The following ABCA13 variants were observed in gnomAD, a reference collection of about 807,000 sequenced individuals.
ABCA13 encodes the protein ATP binding cassette subfamily A member 13.
ABCA13 carries 476 observed loss-of-function variants against 478.7 expected under a neutral mutation model. The observed-to-expected ratio is 0.99, with a 90% CI of 0.92 to 1.07. The LOEUF (loss-of-function observed/expected upper bound fraction) is 1.07. Among genes scored for constraint, ABCA13 ranks in the 50% least tolerant of loss-of-function variants. ABCA13 has a pLI of 0.00. For missense variants in ABCA13, 6,060 were observed against 5,910.6 expected, an observed-to-expected ratio of 1.03 and a Z score of -0.83; for synonymous variants, 2,252 against 2,158.9, an observed-to-expected ratio of 1.04 and a Z score of -1.20.
Position 48,645,406 on chromosome 7 carries a change from G to A in ABCA13, c.15082-11G>A. 6.5e-7 allele frequency: 1 copy of A among 1,550,128 alleles called. No homozygotes were observed. Among genetic ancestry groups the A allele is most frequent in the Non-Finnish European group, 8.7e-7 (1 of 1,144,338 alleles). ...CTTATAAGTAAACAACATTTTTATG[G>A]TTTTTTTCAGGTATTTATTAATTTT... is the stretch of plus-strand genomic sequence containing the variant. On this transcript the variant is annotated splice_polypyrimidine_tract_variant and intron_variant, in intron 61 of 61. Transcript: ENST00000435803.
intron 20 of ABCA13, among the ~76,000 whole-genome samples, chr7:48,292,599 C>T (rs1000340920): frequency 1.8e-4 from 27 of 152,224 alleles, no homozygotes; most frequent in African/African-American, 6.3e-4. Flanking sequence ...TTCTGCCCTC[C>T]CCGGCACTCT....
intron 45 of ABCA13, among the ~76,000 whole-genome samples, chr7:48,471,879 A>G (rs1192348546): frequency 6.6e-6 from 1 of 152,190 alleles, no homozygotes; most frequent in Non-Finnish European, 1.5e-5. Context: ...TCTTCAAGTA[A>G]TGATAAAGAA....
chr7:48,232,952 G>A (rs1318078438), intron 7 of ABCA13, among the ~76,000 whole-genome samples: 1 of 152,148 alleles, frequency 6.6e-6, no homozygotes, highest in African/African-American at 2.4e-5. Context: ...GACTAAGTGA[G>A]ACCTCCCATG....
intron 58 of ABCA13, among the ~76,000 whole-genome samples, chr7:48,611,009 CTTCTT>C (rs1315295112): frequency 1.3e-5 from 2 of 152,192 alleles, no homozygotes; most frequent in Non-Finnish European, 2.9e-5. Flanking sequence ...ACATTCAGCT[CTTCTT>C]TACTTATGCA....
intron 55 of ABCA13, among the ~76,000 whole-genome samples, chr7:48,540,832 A>G (rs559252129): frequency 1.3e-5 from 2 of 152,080 alleles, no homozygotes; most frequent in Non-Finnish European, 2.9e-5. Context: ...ATATACTGAT[A>G]GTTGTCTCAG....
chr7:48,581,417 A>G (rs1022775985), intron 56 of ABCA13, among the ~76,000 whole-genome samples: 3 of 152,218 alleles, frequency 2.0e-5, no homozygotes, highest in African/African-American at 7.2e-5. Context: ...AATAAAGCAA[A>G]GATAACTGAC....
intron 45 of ABCA13, among the ~76,000 whole-genome samples, chr7:48,480,161 A>G (rs141657503): frequency 1.3e-5 from 2 of 152,312 alleles, no homozygotes; most frequent in Non-Finnish European, 2.9e-5. Flanking sequence ...CTTATCCATC[A>G]TGATTGCTTC....
chr7:48,427,659 T>A lies in ABCA13; in HGVS notation c.12460-107T>A, dbSNP rs960389960. On this transcript the variant is annotated intron_variant, in intron 41 of 61. Coordinates refer to ENST00000435803, the MANE Select transcript of ABCA13 (RefSeq NM_152701.5). ...GGCTAAATGAAATATATGGGGTGTGTTTGGCATATGTTGTCACAACCGGAT... is the reference window on the plus strand; with the variant it reads ...GGCTAAATGAAATATATGGGGTGTGATTGGCATATGTTGTCACAACCGGAT... 5 of 702,156 alleles carry A rather than the reference T, an allele frequency of 7.1e-6. No individual in the cohort carries two copies. In the African/African-American group the frequency reaches 8.9e-5, roughly 12 times the overall value. The allele number at this position is 702,156 out of a possible 1,614,324, so 43.5% of individuals were successfully genotyped here. A position where few individuals can be genotyped will look rare whatever the true frequency, so the allele number is the denominator to read the frequency against.
chr7:48,273,062 A>G lies in ABCA13; in HGVS notation c.3396A>G (p.Ser1132=). The G allele has an allele frequency of 2.5e-6, 4 of 1,613,622 alleles. No homozygotes were observed. Among genetic ancestry groups the G allele is most frequent in the Non-Finnish European group, 2.5e-6 (3 of 1,179,712 alleles). ...TGGCACAAATTTTTTCAAACCTCTC[A>G]GCAAATGTCAGTGTGTTCAACAAGT... ...FPLAQIFSNL[S]ANVSVFNKFM... Residue 1132 remains serine, a synonymous_variant, in exon 17 of 62, where the codon TCA becomes TCG. Coordinates refer to ENST00000435803, the MANE Select transcript of ABCA13 (RefSeq NM_152701.5).
chr7:48,639,752 T>C (rs1361099365), intron 59 of ABCA13, among the ~76,000 whole-genome samples: 1 of 152,208 alleles, frequency 6.6e-6, no homozygotes, highest in African/African-American at 2.4e-5. Context: ...TTTTCTAAAG[T>C]CTAAGATTAG....
At chr7:48,526,484 C>G (rs1832898648) in intron 54 of ABCA13, among the ~76,000 whole-genome samples, 1 of 152,120 alleles carries the variant, frequency 6.6e-6, no homozygotes, top group Admixed American at 6.5e-5. Flanking sequence ...GTGGAAAATA[C>G]AGAAATGACT....
intron 40 of ABCA13, among the ~76,000 whole-genome samples, chr7:48,411,506 C>T (rs1478073123): frequency 5.3e-5 from 8 of 152,038 alleles, no homozygotes; most frequent in Non-Finnish European, 8.8e-5. Flanking sequence ...TGGGGTTTTA[C>T]CATGTTGGCC....
At chr7:48,564,025 A>G (rs1379840929) in intron 55 of ABCA13, among the ~76,000 whole-genome samples, 3 of 152,092 alleles carry the variant, frequency 2.0e-5, no homozygotes, top group Middle Eastern at 3.4e-3. Flanking sequence ...TCCACATGTC[A>G]TCTCCTCTCT....
chr7:48,487,318 AC>A (rs1370281782), intron 47 of ABCA13, among the ~76,000 whole-genome samples: 20,647 of 122,318 alleles, frequency 0.17, 2,090 homozygotes, highest in African/African-American at 0.34. Flanking sequence ...CAAAAAAAAA[AC>A]AAAACAAAAC....
At chr7:48,361,575 C>A (rs2129005113) in intron 31 of ABCA13, among the ~76,000 whole-genome samples, 1 of 151,076 alleles carries the variant, frequency 6.6e-6, no homozygotes, top group African/African-American at 2.4e-5. Context: ...TCAATATATT[C>A]TTTTATAATT....
intron 59 of ABCA13, among the ~76,000 whole-genome samples, chr7:48,626,317 G>A (rs1793662991): frequency 6.6e-6 from 1 of 152,146 alleles, no homozygotes; most frequent in Non-Finnish European, 1.5e-5. Flanking sequence ...TATGGGTGAG[G>A]AGGAATTTAA....
rs182217432 is a variant in ABCA13 at position 48,453,323 on chromosome 7, C to G, written c.12566-1714C>G. Among the ~76,000 whole-genome samples the G allele has an allele frequency of 1.5e-3, 227 of 151,878 alleles. 4 individuals carry two copies. The highest frequency in any genetic ancestry group is 0.013 in the Admixed American group (199 of 15,262). On this transcript the variant is annotated intron_variant, in intron 42 of 61. Coordinates refer to ENST00000435803, the MANE Select transcript of ABCA13 (RefSeq NM_152701.5). ...CTGATATGCAGCCTGGTTTAGAAACCACTGCTTTAACTACCTAATGCCTCA... is the reference window on the plus strand; with the variant it reads ...CTGATATGCAGCCTGGTTTAGAAACGACTGCTTTAACTACCTAATGCCTCA...
intron 5 of ABCA13, among the ~76,000 whole-genome samples, chr7:48,226,682 C>T (rs1029439825): frequency 3.3e-5 from 5 of 152,056 alleles, no homozygotes; most frequent in African/African-American, 1.2e-4. Context: ...GGAGAGCATG[C>T]GGGCTCAGTG....
chr7:48,226,128 G>A (rs556214981), intron 5 of ABCA13, among the ~76,000 whole-genome samples: 1 of 152,248 alleles, frequency 6.6e-6, no homozygotes, highest in East Asian at 1.9e-4. Flanking sequence ...TAAAGTTGTA[G>A]CTATTGATAA....
Sources: gnomAD v4.1 joint callset for allele counts (sites outside exome capture counted in the v4.1 genomes callset) on GRCh38, gnomAD v4.1.1 for gene constraint, MANE v1.5 for transcripts, NCBI Gene and HGNC (gene_info 2026-07-23, HGNC 2026-07-21) for gene names.